Variants in SMYD3 observed in about 807,000 individuals in gnomAD.
The protein encoded by SMYD3 is SET and MYND domain containing 3.
SMYD3 carries 36 observed loss-of-function variants against 57.7 expected under a neutral mutation model. The ratio of observed to expected loss-of-function variants is 0.62; its 90% CI spans 0.48 to 0.82. The LOEUF is 0.82. SMYD3 is among the 40% of genes least tolerant of loss of function. SMYD3 has a pLI of 0.00. For synonymous variants in SMYD3, 211 were observed against 195.0 expected (o/e 1.08, Z -0.68); for missense variants, 515 against 538.8 (o/e 0.96, Z 0.44).
At chr1:246,485,208 T>C (rs2068167577) in intron 1 of SMYD3, among the ~76,000 whole-genome samples, 1 of 151,872 alleles carries the variant, frequency 6.6e-6, no homozygotes, top group Non-Finnish European at 1.5e-5. Context: ...TCAACCAAAA[T>C]ACCTAAACTA....
chr1:245,948,975 G>A (rs568076165), intron 5 of SMYD3, among the ~76,000 whole-genome samples: 2 of 152,314 alleles, frequency 1.3e-5, no homozygotes, highest in African/African-American at 4.8e-5. Flanking sequence ...CTGCAAGCCT[G>A]AGGATGGGCC....
chr1:245,811,576 T>C (rs2048473526), intron 10 of SMYD3, among the ~76,000 whole-genome samples: 1 of 152,238 alleles, frequency 6.6e-6, no homozygotes, highest in Admixed American at 6.5e-5. Flanking sequence ...AATGATCTAA[T>C]GTGGCCGTTC....
At chr1:245,845,297 CCTCA>C (rs1354614781) in intron 10 of SMYD3, among the ~76,000 whole-genome samples, 2 of 152,218 alleles carry the variant, frequency 1.3e-5, no homozygotes. Context: ...TATAAATTAA[CCTCA>C]CTAACTCCTA....
intron 10 of SMYD3, among the ~76,000 whole-genome samples, chr1:245,803,743 A>C (rs2047991617): frequency 6.6e-6 from 1 of 152,172 alleles, no homozygotes; most frequent in African/African-American, 2.4e-5. Flanking sequence ...CAAACACACA[A>C]ACCTATCAGC....
chr1:246,140,080 T>C (rs1161544252), intron 5 of SMYD3, among the ~76,000 whole-genome samples: 2 of 152,234 alleles, frequency 1.3e-5, no homozygotes, highest in Non-Finnish European at 2.9e-5. Flanking sequence ...GAATATTATC[T>C]AAACCAAGAT....
At chr1:246,188,195 A>C (rs1051146695) in intron 5 of SMYD3, among the ~76,000 whole-genome samples, 6 of 152,170 alleles carry the variant, frequency 3.9e-5, no homozygotes, top group Admixed American at 1.3e-4. Flanking sequence ...AAGAGCAATG[A>C]GTTGCACAAA....
At chr1:245,852,266 T>C (rs1234617373) in intron 10 of SMYD3, among the ~76,000 whole-genome samples, 1 of 152,012 alleles carries the variant, frequency 6.6e-6, no homozygotes, top group African/African-American at 2.4e-5. Context: ...ATGCACAGAG[T>C]GTCCTAGATT....
chr1:246,428,629 A>G (rs930516439), intron 1 of SMYD3, among the ~76,000 whole-genome samples: 13 of 152,360 alleles, frequency 8.5e-5, no homozygotes, highest in African/African-American at 3.1e-4. Context: ...AGTGAGTAGC[A>G]GAGCTGGCAT....
At position 246,003,537 on chromosome 1, in the gene SMYD3, T is replaced by G. The variant is rs542994253; in HGVS notation, c.532-73600A>C. On this transcript the variant is annotated intron_variant, in intron 5 of 11. Coordinates refer to ENST00000490107, the MANE Select transcript of SMYD3 (RefSeq NM_001167740.2). ...ACTTTACAATCCACATACTGAAAGA[T>G]TCCCTCCCCATTCCTTTTTATCTCT... is the stretch of plus-strand genomic sequence containing the variant. Among the ~76,000 whole-genome samples the G allele has an allele frequency of 3.3e-4, 50 of 152,296 alleles. 1 individual carries two copies. In the South Asian group the frequency reaches 9.8e-3, roughly 30 times the overall value.
At chr1:245,877,426 G>T (rs1050925416) in intron 8 of SMYD3, among the ~76,000 whole-genome samples, 1 of 152,242 alleles carries the variant, frequency 6.6e-6, no homozygotes, top group Non-Finnish European at 1.5e-5. Context: ...GAGATTTTAA[G>T]TATAATCTCT....
chr1:246,397,287 T>C (rs567515992), intron 1 of SMYD3, among the ~76,000 whole-genome samples: 1 of 152,262 alleles, frequency 6.6e-6, no homozygotes, highest in African/African-American at 2.4e-5. Context: ...TAATAATAAA[T>C]GTAATGTGCT....
chr1:246,207,631 C>T (rs1196507889), intron 5 of SMYD3, among the ~76,000 whole-genome samples: 5 of 151,918 alleles, frequency 3.3e-5, no homozygotes, highest in Admixed American at 6.6e-5. Flanking sequence ...TACAAAGAAA[C>T]GTACAACTTA....
At chr1:246,435,774 AAGG>A (rs1382888368) in intron 1 of SMYD3, among the ~76,000 whole-genome samples, 1 of 152,192 alleles carries the variant, frequency 6.6e-6, no homozygotes, top group Non-Finnish European at 1.5e-5. Context: ...CAAGAATTCC[AAGG>A]AGAAGATACA....
intron 5 of SMYD3, among the ~76,000 whole-genome samples, chr1:246,304,940 G>C (rs139297285): frequency 9.2e-5 from 14 of 152,124 alleles, no homozygotes; most frequent in Non-Finnish European, 2.1e-4. Flanking sequence ...CCATCATTAA[G>C]AGCAGCCTTG....
chr1:245,937,147 G>A (rs1479829946), intron 5 of SMYD3, among the ~76,000 whole-genome samples: 1 of 152,010 alleles, frequency 6.6e-6, no homozygotes, highest in African/African-American at 2.4e-5. Context: ...CCCATTTCAA[G>A]CTCTGGCCAC....
chr1:246,020,866 T>G (rs1206686201), intron 5 of SMYD3, among the ~76,000 whole-genome samples: 1 of 152,186 alleles, frequency 6.6e-6, no homozygotes, highest in Non-Finnish European at 1.5e-5. Context: ...TCTCAACTTT[T>G]AACGTGACTG....
At chr1:246,156,797 A>G (rs1201481750) in intron 5 of SMYD3, among the ~76,000 whole-genome samples, 3 of 152,186 alleles carry the variant, frequency 2.0e-5, no homozygotes, top group Non-Finnish European at 4.4e-5. Flanking sequence ...GTCATATTTG[A>G]GCTGAATTTG....
intron 8 of SMYD3, among the ~76,000 whole-genome samples, chr1:245,885,941 G>A (rs2053065413): frequency 6.6e-6 from 1 of 152,166 alleles, no homozygotes; most frequent in South Asian, 2.1e-4. Context: ...ACTCACCCAT[G>A]TTGAACGCAA....
chr1:245,749,645 A>C lies in SMYD3; in HGVS notation c.1205T>G (p.Val402Gly). The stretch of plus-strand genomic sequence containing the variant: ...CAGGCTGTGTTCTCTGCCATGTGTC[A>C]CTCTCATAATATCAAAAGCCTAAAG... The part of the protein sequence containing the change: ...NLRLAFDIMR[V>G]THGREHSLIE... The change falls in exon 12 of 12, where the codon GTG becomes GGG. Residue 402 changes from valine to glycine, a missense_variant. By Grantham distance (109) the Val-to-Gly change is moderately radical. Transcript: ENST00000490107. 2 of 1,613,984 alleles carry C rather than the reference A, an allele frequency of 1.2e-6. No homozygotes were observed. The highest frequency in any genetic ancestry group is 1.7e-6 in the Non-Finnish European group (2 of 1,179,912).
Sources: allele counts gnomAD v4.1 joint callset (sites outside exome capture counted in the v4.1 genomes callset), GRCh38; gene constraint gnomAD v4.1.1; transcripts MANE v1.5; gene names NCBI Gene and HGNC (gene_info 2026-07-23, HGNC 2026-07-21).